Variants in PTPRT observed in about 807,000 individuals in gnomAD.
PTPRT encodes receptor-type tyrosine-protein phosphatase T.
In PTPRT, 56 loss-of-function variants were observed where a neutral mutation model predicts 176.8. The ratio of observed to expected loss-of-function variants is 0.32; its 90% CI spans 0.26 to 0.40. The LOEUF is 0.40. Among genes scored for constraint, PTPRT ranks in the 10% least tolerant of loss-of-function variants. The pLI, the probability that PTPRT is intolerant of heterozygous loss-of-function variation, is 1.00. For missense variants in PTPRT, 1,540 were observed against 1,908.2 expected (o/e 0.81, Z 3.60); for synonymous variants, 783 against 739.0 (o/e 1.06, Z -0.96).
intron 16 of PTPRT, among the ~76,000 whole-genome samples, chr20:42,186,094 G>C (rs1402738339): frequency 1.3e-5 from 2 of 152,096 alleles, no homozygotes; most frequent in Admixed American, 1.3e-4. Flanking sequence ...AGAAATGTAA[G>C]AATGGAGGTC....
chr20:42,498,638 A>C (rs2071695617), intron 7 of PTPRT, among the ~76,000 whole-genome samples: 1 of 152,146 alleles, frequency 6.6e-6, no homozygotes, highest in Non-Finnish European at 1.5e-5. Flanking sequence ...TTTAGCTCTA[A>C]TAAGAAACAT....
At chr20:42,787,542 C>A (rs1269400573) in intron 3 of PTPRT, among the ~76,000 whole-genome samples, 1 of 152,218 alleles carries the variant, frequency 6.6e-6, no homozygotes. Flanking sequence ...TCCACCACAT[C>A]AGCCTTCACT....
intron 1 of PTPRT, among the ~76,000 whole-genome samples, chr20:42,993,379 C>T (rs1984031367): frequency 1.4e-5 from 2 of 145,456 alleles, no homozygotes. Context: ...GATCATGCCA[C>T]TGCACTCCAC....
chr20:43,126,371 G>A (rs1568800326), intron 1 of PTPRT, among the ~76,000 whole-genome samples: 5 of 147,202 alleles, frequency 3.4e-5, no homozygotes, highest in Non-Finnish European at 4.5e-5. Context: ...AAAAAAGAAA[G>A]AAAAAAAAAA....
chr20:42,420,601 C>T (rs1370129754), intron 9 of PTPRT, among the ~76,000 whole-genome samples: 2 of 152,190 alleles, frequency 1.3e-5, no homozygotes, highest in Admixed American at 6.5e-5. Context: ...ATTCAACTCA[C>T]CTTGCTGTCC....
At chr20:42,284,857 T>C (rs1269378163) in intron 12 of PTPRT, among the ~76,000 whole-genome samples, 1 of 151,586 alleles carries the variant, frequency 6.6e-6, no homozygotes, top group Non-Finnish European at 1.5e-5. Context: ...AAATGACAAG[T>C]CATGGTTCAA....
Position 42,110,318 on chromosome 20 carries a change from G to A in PTPRT, c.3254+15C>T. ...GCCCGCCTCGGCCTCCCAAGGTGAA[G>A]GACCTTTGACTTACCTGCAGTGGAC... On this transcript the variant is annotated intron_variant, in intron 23 of 30. Coordinates refer to ENST00000373187, the MANE Select transcript of PTPRT (RefSeq NM_007050.6). 9 of 1,588,036 alleles carry A rather than the reference G, an allele frequency of 5.7e-6. No individual in the cohort carries two copies. Among genetic ancestry groups the A allele is most frequent in the Non-Finnish European group, 7.7e-6 (9 of 1,162,940 alleles).
intron 9 of PTPRT, among the ~76,000 whole-genome samples, chr20:42,431,810 ACT>A (rs2059217751): frequency 6.6e-6 from 1 of 152,002 alleles, no homozygotes. Context: ...AGTCATGAAG[ACT>A]CTCTAGATGA....
Position 42,751,387 on chromosome 20 carries a change from C to T in PTPRT, c.859+5075G>A, listed in dbSNP as rs534858742. 4.6e-5 allele frequency among the ~76,000 whole-genome samples: 7 copies of T among 152,282 alleles called. No homozygotes were observed. The South Asian group carries it at 1.0e-3, about 23-fold the overall frequency. The stretch of plus-strand genomic sequence containing the variant: ...CCCCAGACCCGGGAATCAGCTTTCC[C>T]GATCCAGTAGGGGTGAACACAGGAA... On this transcript the variant is annotated intron_variant, in intron 6 of 30. Coordinates refer to ENST00000373187, the MANE Select transcript of PTPRT (RefSeq NM_007050.6).
chr20:42,931,071 G>T (rs1442968286), intron 1 of PTPRT, among the ~76,000 whole-genome samples: 1 of 152,104 alleles, frequency 6.6e-6, no homozygotes. Flanking sequence ...CATTAACTTT[G>T]GGTGCCAAGC....
intron 1 of PTPRT, among the ~76,000 whole-genome samples, chr20:42,952,503 T>C (rs1339519076): frequency 6.6e-6 from 1 of 152,238 alleles, no homozygotes; most frequent in African/African-American, 2.4e-5. Flanking sequence ...ACTAGCTCCA[T>C]TACCCTAGGC....
At chr20:42,756,397 G>A in intron 6 of PTPRT, 65 bp downstream of exon 6, 2 of 1,392,364 alleles carry the variant, frequency 1.4e-6, no homozygotes, top group Non-Finnish European at 1.9e-6. Context: ...GATGAGAAAA[G>A]GGGCTTTAAG....
the PTPRT span, among the ~76,000 whole-genome samples, chr20:42,066,993 C>T: frequency 6.6e-6 from 1 of 152,110 alleles, no homozygotes; most frequent in African/African-American, 2.4e-5. Flanking sequence ...ATTTCACAGG[C>T]AGGCACATTC....
In PTPRT at chr20:43,087,340, C is replaced by T. The variant is rs1465336755; in HGVS notation, c.88+102306G>A. ...GTGGCCTCACACCCACCAGGTTCTT[C>T]GTCACTGTTCACACTGTCCGTCCTT... On this transcript the variant is annotated intron_variant, in intron 1 of 30. Transcript: ENST00000373187. 2.7e-5 allele frequency among the ~76,000 whole-genome samples: 4 copies of T among 146,134 alleles called. No individual in the cohort carries two copies. In the East Asian group the frequency reaches 6.0e-4, roughly 22 times the overall value.
In PTPRT at chr20:42,698,898, C is replaced by G. The variant is rs572755686; in HGVS notation, c.860-20739G>C. Among the ~76,000 whole-genome samples the G allele has an allele frequency of 4.6e-5, 7 of 152,044 alleles. No individual in the cohort carries two copies. In the South Asian group the frequency reaches 1.0e-3, roughly 23 times the overall value. ...ATGAATGAACGAACAAATAAATGGCCCTTCTTATCTGCCTCTCCCTGACTT... is the reference window on the plus strand; with the variant it reads ...ATGAATGAACGAACAAATAAATGGCGCTTCTTATCTGCCTCTCCCTGACTT... On this transcript the variant is annotated intron_variant, in intron 6 of 30. Transcript: ENST00000373187.
chr20:42,120,365 C>T (rs1359092249), intron 19 of PTPRT, among the ~76,000 whole-genome samples: 1 of 152,046 alleles, frequency 6.6e-6, no homozygotes, highest in African/African-American at 2.4e-5. Context: ...TGTACAAGAC[C>T]CTATGGGACA....
chr20:42,949,763 T>G (rs1042624554), intron 1 of PTPRT, among the ~76,000 whole-genome samples: 1 of 152,210 alleles, frequency 6.6e-6, no homozygotes, highest in Non-Finnish European at 1.5e-5. Flanking sequence ...AGCTATTTTT[T>G]ATGTTTGCCA....
At chr20:43,033,255 C>T (rs1037289207) in intron 1 of PTPRT, among the ~76,000 whole-genome samples, 2 of 152,162 alleles carry the variant, frequency 1.3e-5, no homozygotes, top group African/African-American at 4.8e-5. Context: ...TTGAGCCTTC[C>T]TCTCTGGGTC....
At chr20:42,719,690 A>G (rs922174991) in intron 6 of PTPRT, among the ~76,000 whole-genome samples, 29 of 152,242 alleles carry the variant, frequency 1.9e-4, no homozygotes, top group African/African-American at 5.1e-4. Context: ...GGTCATGGTG[A>G]CCTATAGAAA....
Sources: gnomAD v4.1 joint callset for allele counts (sites outside exome capture counted in the v4.1 genomes callset) on GRCh38, gnomAD v4.1.1 for gene constraint, MANE v1.5 for transcripts, NCBI Gene and HGNC (gene_info 2026-07-23, HGNC 2026-07-21) for gene names.